Variants in COL14A1 observed in about 807,000 individuals in gnomAD.
COL14A1 encodes collagen type XIV alpha 1 chain, also known as collagen alpha-1(XIV) chain.
Under a neutral mutation model 230.3 loss-of-function variants are expected in COL14A1, and 136 were observed. The observed-to-expected ratio is 0.59, with a 90% CI of 0.51 to 0.68. COL14A1 has a LOEUF of 0.68. Among genes scored for constraint, COL14A1 ranks in the 30% least tolerant of loss-of-function variants. The pLI, the probability that COL14A1 is intolerant of heterozygous loss-of-function variation, is 0.00. For synonymous variants in COL14A1, 792 were observed against 784.1 expected, an observed-to-expected ratio of 1.01 and a Z score of -0.17; for missense variants, 1,976 against 2,215.8, an observed-to-expected ratio of 0.89 and a Z score of 2.17.
At chr8:120,180,758 C>A (rs13268981) in intron 5 of COL14A1, among the ~76,000 whole-genome samples, 5 of 128,386 alleles carry the variant, frequency 3.9e-5, no homozygotes, top group African/African-American at 5.9e-5. Flanking sequence ...CCCAGGCTGG[C>A]GTGCAGTGGC....
intron 45 of COL14A1, among the ~76,000 whole-genome samples, chr8:120,346,623 C>T (rs1822523781): frequency 1.3e-5 from 2 of 152,286 alleles, no homozygotes; most frequent in African/African-American, 2.4e-5. Flanking sequence ...ATTGTTTTCC[C>T]TCTTTGGAAA....
chr8:120,175,923 T>C (rs2130616345), intron 5 of COL14A1, among the ~76,000 whole-genome samples: 2 of 152,106 alleles, frequency 1.3e-5, no homozygotes, highest in Middle Eastern at 3.4e-3. Flanking sequence ...CATACCTACC[T>C]TTGAACATTT....
At chr8:120,321,467 C>T (rs971308512) in intron 40 of COL14A1, among the ~76,000 whole-genome samples, 8 of 151,768 alleles carry the variant, frequency 5.3e-5, no homozygotes, top group African/African-American at 1.2e-4. Context: ...GGTGATACCC[C>T]GTCCCTACTA....
chr8:120,129,836 A>G (rs1324081647), intron 1 of COL14A1, among the ~76,000 whole-genome samples: 1 of 152,236 alleles, frequency 6.6e-6, no homozygotes, highest in Admixed American at 6.5e-5. Context: ...CTGATCATTC[A>G]GTCATTAACT....
At chr8:120,139,051 T>G (rs1814807245) in intron 1 of COL14A1, among the ~76,000 whole-genome samples, 1 of 152,198 alleles carries the variant, frequency 6.6e-6, no homozygotes, top group Non-Finnish European at 1.5e-5. Flanking sequence ...TGCCCCAGAA[T>G]TTCTAGTGAC....
At chr8:120,135,846 C>A (rs1814693426) in intron 1 of COL14A1, among the ~76,000 whole-genome samples, 1 of 151,742 alleles carries the variant, frequency 6.6e-6, no homozygotes, top group African/African-American at 2.4e-5. Flanking sequence ...ATATTAATTT[C>A]TAACTATTTT....
At chr8:120,129,664 T>A (rs950097706) in intron 1 of COL14A1, among the ~76,000 whole-genome samples, 1 of 152,222 alleles carries the variant, frequency 6.6e-6, no homozygotes, top group Non-Finnish European at 1.5e-5. Context: ...TGCAAACCTA[T>A]GGCATGGGAG....
intron 26 of COL14A1, among the ~76,000 whole-genome samples, chr8:120,273,670 C>T (rs527471808): frequency 4.0e-5 from 6 of 151,634 alleles, no homozygotes; most frequent in African/African-American, 1.4e-4. Context: ...CACCTCTATA[C>T]ATAGAAACTA....
At chr8:120,331,107 C>CAAAAA (rs35915187) in intron 40 of COL14A1, among the ~76,000 whole-genome samples, 9 of 61,312 alleles carry the variant, frequency 1.5e-4, no homozygotes, top group African/African-American at 2.5e-4. Context: ...CTCTGTCTCA[C>CAAAAA]AAAAAAAAAA....
intron 2 of COL14A1, among the ~76,000 whole-genome samples, chr8:120,157,018 T>C (rs1322090747): frequency 6.6e-6 from 1 of 152,218 alleles, no homozygotes; most frequent in Admixed American, 6.5e-5. Flanking sequence ...TTTTCTTTTC[T>C]AACAAACTAA....
Position 120,289,786 on chromosome 8 carries a change from A to G in COL14A1, c.4236+20A>G. 2 of 1,604,100 alleles carry G rather than the reference A, an allele frequency of 1.2e-6. No homozygotes were observed. The highest frequency in any genetic ancestry group is 8.5e-7 in the Non-Finnish European group (1 of 1,175,240). On this transcript the variant is annotated intron_variant, in intron 34 of 47. Transcript: ENST00000297848. ...GCACCGGTAAGTGAATAAACCCGTG[A>G]AGCTGTGTTATTGTTAAGGGAGAGA...
chr8:120,269,974 G>C, intron 25 of COL14A1, 61 bp from the exon 26 acceptor site: 1 of 1,572,252 alleles, frequency 6.4e-7, no homozygotes, highest in Non-Finnish European at 8.7e-7. Context: ...TTGTCTTATT[G>C]GTTTAATAAC....
intron 45 of COL14A1, among the ~76,000 whole-genome samples, chr8:120,348,890 TC>T (rs1822639194): frequency 6.6e-6 from 1 of 152,254 alleles, no homozygotes; most frequent in South Asian, 2.1e-4. Flanking sequence ...TTTTTACCCT[TC>T]CTGTTATTCC....
chr8:120,348,527 G>A (rs1822618911), intron 45 of COL14A1, among the ~76,000 whole-genome samples: 1 of 151,976 alleles, frequency 6.6e-6, no homozygotes, highest in South Asian at 2.1e-4. Context: ...TGGGGACTCA[G>A]GGGGAAAGGG....
chr8:120,364,829 G>C (rs1823352510), intron 45 of COL14A1, among the ~76,000 whole-genome samples: 2 of 151,700 alleles, frequency 1.3e-5, no homozygotes, highest in African/African-American at 4.8e-5. Flanking sequence ...GTTGCAGTGA[G>C]CTGAGATTAT....
rs1817457836 is a variant in COL14A1, at chr8:120,207,052, C to T, written c.1149C>T (p.Tyr383=). The change falls in exon 10 of 48, where the codon TAC becomes TAT. Residue 383 remains tyrosine (Y), a synonymous_variant. Coordinates refer to ENST00000297848, the MANE Select transcript of COL14A1 (RefSeq NM_021110.4). ...ATGCCCCAGGAAATGTGGAAAAATA[C>T]AGAGTTGTGTATTATCCTACCAGGG... ...WTHAPGNVEK[Y]RVVYYPTRGG... The T allele has an allele frequency of 1.2e-6, 2 of 1,613,766 alleles. No homozygotes were observed. The highest frequency in any genetic ancestry group is 1.7e-6 in the Non-Finnish European group (2 of 1,179,874).
chr8:120,150,626 T>G (rs976690614), intron 2 of COL14A1, among the ~76,000 whole-genome samples: 1 of 152,120 alleles, frequency 6.6e-6, no homozygotes, highest in Non-Finnish European at 1.5e-5. Context: ...AGTTCTCTCT[T>G]TAGTGTCTGT....
intron 1 of COL14A1, among the ~76,000 whole-genome samples, chr8:120,137,005 C>A (rs1333492067): frequency 6.8e-6 from 1 of 147,830 alleles, no homozygotes. Context: ...CTAGCCTTCA[C>A]CTGTGCTTTC....
chr8:120,203,723 G>A lies in COL14A1; in HGVS notation c.892G>A (p.Asp298Asn), dbSNP rs774436972. ...CTCTGTGTAAGGGGTGAAAAACGCG[G>A]ATGTGAATGAGCTGCAGGAGATCGC... The part of the protein sequence containing the change: ...ELFAIGVKNA[D>N]VNELQEIASE... Residue 298 changes from aspartate to asparagine, a missense_variant, in exon 9 of 48, where the codon GAT becomes AAT. Physicochemically the swap from Asp to Asn is conservative, Grantham distance 23. This residue lies in a region of COL14A1 where 1,791 missense variants were observed against 2,019.5 expected (regional missense o/e 0.89). Coordinates refer to ENST00000297848, the MANE Select transcript of COL14A1 (RefSeq NM_021110.4). The A allele has an allele frequency of 1.1e-5, 18 of 1,613,824 alleles. No individual in the cohort carries two copies. Among genetic ancestry groups the A allele is most frequent in the Non-Finnish European group, 1.4e-5 (17 of 1,179,844 alleles).
Sources: gnomAD v4.1 joint callset for allele counts (sites outside exome capture counted in the v4.1 genomes callset) on GRCh38, gnomAD v4.1.1 for gene constraint, gnomAD v4.1.1 regional missense constraint, MANE v1.5 for transcripts, NCBI Gene and HGNC (gene_info 2026-07-23, HGNC 2026-07-21) for gene names.